The following PCDHA1 variants were observed in gnomAD, a reference collection of about 807,000 sequenced individuals.
PCDHA1 encodes protocadherin alpha-1.
PCDHA1 carries 42 observed loss-of-function variants against 61.3 expected under a neutral mutation model. The observed-to-expected ratio is 0.69, with a 90% CI of 0.54 to 0.89. The LOEUF is 0.89. PCDHA1 is among the 40% of genes least tolerant of loss of function. The pLI is 0.00. For missense variants in PCDHA1, 1,256 were observed against 1,235.3 expected (o/e 1.02, Z -0.25); for synonymous variants, 610 against 553.8 (o/e 1.10, Z -1.43).
intron 3 of PCDHA1, among the ~76,000 whole-genome samples, chr5:140,990,016 G>A (rs1211656433): frequency 6.6e-6 from 1 of 152,138 alleles, no homozygotes; most frequent in East Asian, 1.9e-4. Flanking sequence ...GCGTGGGCTA[G>A]GCAAAGGATG....
At chr5:140,862,498 TG>T in intron 1 of PCDHA1, 1 of 395,232 alleles carries the variant, frequency 2.5e-6, no homozygotes, top group Non-Finnish European at 5.1e-6. Flanking sequence ...TCGCTCGGAA[TG>T]GGGACTCGCT....
rs1554119707 is a variant in PCDHA1, at chr5:140,796,103, G to A, written c.2394+7419G>A. The stretch of plus-strand genomic sequence containing the variant: ...ATCACGGTGTCGGATCGCGACTCTG[G>A]TACGAATGGACATGTCACCTGCTCC... On this transcript the variant is annotated intron_variant, in intron 1 of 3. Coordinates refer to ENST00000504120, the MANE Select transcript of PCDHA1 (RefSeq NM_018900.4). 34 of 1,614,180 alleles carry A rather than the reference G, an allele frequency of 2.1e-5. No homozygotes were observed. The South Asian group carries it at 3.2e-4, about 15-fold the overall frequency.
At position 140,979,027 on chromosome 5, in the gene PCDHA1, T is replaced by C. The variant is rs782016038; in HGVS notation, c.2453+20T>C. ...GCACAGGTATGTATTTCCCTCCTCA[T>C]TCACTCAGAAGTAACCTTAACTTGG... On this transcript the variant is annotated intron_variant, in intron 2 of 3. Coordinates refer to ENST00000504120, the MANE Select transcript of PCDHA1 (RefSeq NM_018900.4). The C allele has an allele frequency of 3.5e-5, 57 of 1,613,492 alleles. No homozygotes were observed. Among genetic ancestry groups the C allele is most frequent in the Non-Finnish European group, 4.4e-5 (52 of 1,179,754 alleles).
At chr5:140,977,307 G>C (rs1023836424) in intron 1 of PCDHA1, among the ~76,000 whole-genome samples, 1 of 152,186 alleles carries the variant, frequency 6.6e-6, no homozygotes, top group Admixed American at 6.5e-5. Flanking sequence ...ACAAGCTAAC[G>C]ATAGTGCTCC....
chr5:140,846,589 T>G (rs1780576072), intron 1 of PCDHA1, among the ~76,000 whole-genome samples: 1 of 148,848 alleles, frequency 6.7e-6, no homozygotes, highest in Non-Finnish European at 1.5e-5. Context: ...TTAGCCAGGA[T>G]GGTCTCGATC....
chr5:140,994,608 G>A (rs1231327885), intron 3 of PCDHA1, among the ~76,000 whole-genome samples: 1 of 152,098 alleles, frequency 6.6e-6, no homozygotes, highest in African/African-American at 2.4e-5. Context: ...GGGAGGCTGA[G>A]GCACGAGAGT....
At chr5:140,915,716 C>T (rs2077274657) in intron 1 of PCDHA1, among the ~76,000 whole-genome samples, 1 of 152,024 alleles carries the variant, frequency 6.6e-6, no homozygotes, top group East Asian at 1.9e-4. Context: ...GTGGCCCCCA[C>T]TTTGGATTGT....
At chr5:140,839,704 A>G (rs1229800703) in intron 1 of PCDHA1, among the ~76,000 whole-genome samples, 4 of 152,070 alleles carry the variant, frequency 2.6e-5, no homozygotes, top group Admixed American at 6.6e-5. Context: ...AAATAATGTG[A>G]TGACAAATTT....
intron 1 of PCDHA1, chr5:140,828,675 TA>T: frequency 6.2e-7 from 1 of 1,614,212 alleles, no homozygotes; most frequent in Non-Finnish European, 8.5e-7. Context: ...ATTGGGCTCT[TA>T]TTAAAGAAAT....
In PCDHA1 at chr5:140,829,866, C is replaced by G. The variant is rs180987045; in HGVS notation, c.2394+41182C>G. On this transcript the variant is annotated intron_variant, in intron 1 of 3. Transcript: ENST00000504120. ...TCACTGGGTGCAGGCCAAGTGGTGG[C>G]GAAGGTGCGCGCAGTTGACGCCGAC... 3.8e-5 allele frequency: 61 copies of G among 1,613,892 alleles called. No individual in the cohort carries two copies. The highest frequency in any genetic ancestry group is 4.4e-5 in the Non-Finnish European group (52 of 1,179,870).
At chr5:140,968,464 C>T (rs1554230763) in intron 1 of PCDHA1, 4 of 1,613,996 alleles carry the variant, frequency 2.5e-6, no homozygotes, top group Admixed American at 1.7e-5. Flanking sequence ...TGACTGCCAA[C>T]GTATATGTGG....
intron 1 of PCDHA1, chr5:140,823,090 A>G: frequency 6.2e-7 from 1 of 1,614,038 alleles, no homozygotes; most frequent in Non-Finnish European, 8.5e-7. Context: ...GGCCACCGCC[A>G]GCGTGTCTGT....
chr5:140,944,310 C>T (rs1036800359), intron 1 of PCDHA1, among the ~76,000 whole-genome samples: 6 of 152,132 alleles, frequency 3.9e-5, no homozygotes, highest in Non-Finnish European at 7.4e-5. Flanking sequence ...ACCTCAGCCT[C>T]CTGAGTAGCT....
intron 1 of PCDHA1, chr5:140,796,278 C>G: frequency 4.3e-6 from 7 of 1,614,128 alleles, no homozygotes; most frequent in Non-Finnish European, 5.9e-6. Context: ...TGTGGGCCAC[C>G]ACCAGCGTGT....
intron 1 of PCDHA1, chr5:140,852,529 G>T: frequency 2.4e-6 from 1 of 416,580 alleles, no homozygotes. Context: ...TCCCACCTCG[G>T]CCTCCCAAAG....
chr5:140,858,256 G>C, intron 1 of PCDHA1: 1 of 1,596,658 alleles, frequency 6.3e-7, no homozygotes, highest in Non-Finnish European at 8.6e-7. Context: ...TGAAGCCCAC[G>C]CTGGTGTGCT....
At chr5:140,882,606 C>T in intron 1 of PCDHA1, 2 of 1,614,238 alleles carry the variant, frequency 1.2e-6, no homozygotes, top group Non-Finnish European at 1.7e-6. Context: ...GTGGACAGGC[C>T]TCTGCAGGTT....
intron 1 of PCDHA1, chr5:140,842,572 A>G (rs3733705): frequency 3.9e-6 from 6 of 1,538,104 alleles, no homozygotes; most frequent in South Asian, 1.1e-5. Flanking sequence ...ACCGCGAGAG[A>G]GTGTCGGCCT....
At chr5:140,997,967 G>A (rs1275111362) in intron 3 of PCDHA1, among the ~76,000 whole-genome samples, 1 of 152,104 alleles carries the variant, frequency 6.6e-6, no homozygotes, top group African/African-American at 2.4e-5. Flanking sequence ...CGTACCTGTG[G>A]TTGGACTGCA....
Sources: allele counts gnomAD v4.1 joint callset (sites outside exome capture counted in the v4.1 genomes callset), GRCh38; gene constraint gnomAD v4.1.1; transcripts MANE v1.5; gene names NCBI Gene and HGNC (gene_info 2026-07-23, HGNC 2026-07-21).